Variants in ZNF658 observed in about 807,000 individuals in gnomAD.
The protein encoded by ZNF658 is zinc finger protein 658.
Under a neutral mutation model 78.0 loss-of-function variants are expected in ZNF658, and 46 were observed. That is an observed-to-expected ratio of 0.59 (90% CI 0.47 to 0.75). ZNF658 has a LOEUF of 0.75. Among genes scored for constraint, ZNF658 ranks in the 30% least tolerant of loss-of-function variants. The pLI is 0.00. For missense variants in ZNF658, 785 were observed against 1,189.3 expected, an observed-to-expected ratio of 0.66 and a Z score of 5.00; for synonymous variants, 279 against 408.4, an observed-to-expected ratio of 0.68 and a Z score of 3.82.
intron 2 of ZNF658, among the ~76,000 whole-genome samples, chr9:66,905,182 C>T (rs1229232746): frequency 1.4e-5 from 2 of 138,612 alleles, no homozygotes; most frequent in African/African-American, 2.6e-5. Flanking sequence ...TTCAAGCAAT[C>T]CTTGTGCCTC....
intron 1 of ZNF658, among the ~76,000 whole-genome samples, chr9:66,902,678 A>C (rs199855978): frequency 0.21 from 30,922 of 146,010 alleles, 2,458 homozygotes; most frequent in Non-Finnish European, 0.29. Flanking sequence ...ATTTAGAGTG[A>C]TACTAATGCT....
Position 66,918,152 on chromosome 9 carries a change from A to G in ZNF658, c.586A>G (p.Lys196Glu), listed in dbSNP as rs1275885320. The change falls in exon 5 of 5, where the codon AAA becomes GAA. Residue 196 changes from lysine to glutamate, a missense_variant. Lys to Glu is a moderately conservative substitution (Grantham distance 56, BLOSUM62 1). Coordinates refer to ENST00000621410, the MANE Select transcript of ZNF658 (RefSeq NM_033160.7). ...EKSYEHGENA[K>E]AFSYKKDQHW... ...ATCTTATGAACATGGTGAAAATGCT[A>G]AAGCTTTCAGTTATAAGAAAGATCA... is the stretch of plus-strand genomic sequence containing the variant. The G allele has an allele frequency of 6.3e-7, 1 of 1,599,284 alleles. No individual in the cohort carries two copies. Among genetic ancestry groups the G allele is most frequent in the East Asian group, 2.2e-5 (1 of 44,780 alleles).
intron 4 of ZNF658, among the ~76,000 whole-genome samples, chr9:66,914,448 T>G (rs112541060): frequency 6.6e-6 from 1 of 152,078 alleles, no homozygotes; most frequent in Non-Finnish European, 1.5e-5. Context: ...GTGTTTTTAT[T>G]CTTACCTTTT....
chr9:66,920,941 TAAAAAAA>T lies in ZNF658; in HGVS notation c.*201_*207del. ...AAATATTACATTTACCCTTGGCCCT[TAAAAAAA>T]AAAAAGAAAAACCCTCACAGTCTTC... On this transcript the variant is annotated 3_prime_UTR_variant, in exon 5 of 5. Coordinates refer to ENST00000621410, the MANE Select transcript of ZNF658 (RefSeq NM_033160.7). The T allele has an allele frequency of 1.8e-6, 1 of 566,288 alleles. No homozygotes were observed. The highest frequency in any genetic ancestry group is 3.1e-6 in the Non-Finnish European group (1 of 322,502). The allele number at this position is 566,288 out of a possible 1,614,324, so 35.1% of individuals were successfully genotyped here. A position where few individuals can be genotyped will look rare whatever the true frequency, so the allele number is the denominator to read the frequency against.
Position 66,910,233 on chromosome 9 carries a change from TA to T in ZNF658, c.238+1500del, listed in dbSNP as rs755249244. On this transcript the variant is annotated intron_variant, in intron 4 of 4. Coordinates refer to ENST00000621410, the MANE Select transcript of ZNF658 (RefSeq NM_033160.7). ...TCACCAATGATATCAGGCATCTTTT[TA>T]TATGCCTATTAGGCTTTGTACGAAT... 1.1e-4 allele frequency among the ~76,000 whole-genome samples: 16 copies of T among 152,212 alleles called. No homozygotes were observed. In the East Asian group the frequency reaches 1.7e-3, roughly 16 times the overall value.
downstream of ZNF658, chr9:66,921,477 T>C (rs1204570708): frequency 1.3e-5 from 2 of 150,706 alleles, no homozygotes; most frequent in Non-Finnish European, 3.0e-5. Flanking sequence ...AGTTTTAGAA[T>C]TGGAGATAAA....
chr9:66,905,736 G>A (rs1435376327), intron 2 of ZNF658, among the ~76,000 whole-genome samples: 3 of 145,826 alleles, frequency 2.1e-5, no homozygotes, highest in Non-Finnish European at 3.0e-5. Context: ...CCTTTTTATA[G>A]TTTCTGTTTA....
chr9:66,918,474 G>C lies in ZNF658; in HGVS notation c.908G>C (p.Gly303Ala). ...ACACACTATGAGTGTAATGAAAGGG[G>C]GATTAATTTCAGTAGGAAGTCACCC... The part of the protein sequence containing the change: ...AMTHYECNER[G>A]INFSRKSPLT... Residue 303 changes from glycine (G) to alanine (A), a missense_variant, in exon 5 of 5, where the codon GGG becomes GCG. By Grantham distance (60) the Gly-to-Ala change is moderately conservative. Transcript: ENST00000621410. The C allele has an allele frequency of 6.2e-7, 1 of 1,607,590 alleles. No individual in the cohort carries two copies.
At chr9:66,909,938 T>C (rs1328001898) in intron 4 of ZNF658, among the ~76,000 whole-genome samples, 1 of 152,208 alleles carries the variant, frequency 6.6e-6, no homozygotes, top group Admixed American at 6.5e-5. Context: ...GAAGCGTCTC[T>C]TCCTGGCTTG....
At chr9:66,929,844 C>T (rs1354960359) in intron 6 of ZNF658, among the ~76,000 whole-genome samples, 2 of 126,322 alleles carry the variant, frequency 1.6e-5, no homozygotes, top group African/African-American at 2.9e-5. Context: ...AGTGCAGTGG[C>T]ATGATCTCGG....
intron 4 of ZNF658, among the ~76,000 whole-genome samples, chr9:66,913,253 C>A (rs1822255120): frequency 6.6e-6 from 1 of 151,122 alleles, no homozygotes. Context: ...TGCAAAACCC[C>A]ATCTCTACCA....
chr9:66,921,722 A>G (rs1822530838), downstream of ZNF658, among the ~76,000 whole-genome samples: 1 of 151,494 alleles, frequency 6.6e-6, no homozygotes, highest in African/African-American at 2.4e-5. Context: ...GCTTCGTCTC[A>G]GAGGGGTACT....
At chr9:66,910,474 A>G (rs1056038575) in intron 4 of ZNF658, among the ~76,000 whole-genome samples, 1 of 151,586 alleles carries the variant, frequency 6.6e-6, no homozygotes, top group African/African-American at 2.4e-5. Flanking sequence ...TCTAAAAAGG[A>G]TATCCCTAAA....
downstream of ZNF658, among the ~76,000 whole-genome samples, chr9:66,926,251 T>G (rs1822584907): frequency 8.9e-6 from 1 of 112,568 alleles, no homozygotes. Flanking sequence ...TTATTCAAGA[T>G]CAATACAAAA....
At chr9:66,907,159 G>A (rs1195540802) in intron 2 of ZNF658, among the ~76,000 whole-genome samples, 2 of 151,734 alleles carry the variant, frequency 1.3e-5, no homozygotes, top group African/African-American at 4.8e-5. Context: ...ATCCCTGTGT[G>A]CTCAAGGAGC....
At position 66,918,411 on chromosome 9, in the gene ZNF658, C is replaced by A. The variant is rs1215754885; in HGVS notation, c.845C>A (p.Thr282Asn). The change falls in exon 5 of 5, where the codon ACC (threonine) becomes AAC (asparagine). Residue 282 changes from threonine (T) to asparagine (N), a missense_variant. Physicochemically the swap from Thr to Asn is moderately conservative, Grantham distance 65. This residue lies in a region of ZNF658 where 393 missense variants were observed against 400.2 expected (regional missense o/e 0.98). Transcript: ENST00000621410. ...GAATATGGGACATCCTGTGACAAAA[C>A]CACCGCTGTTGAATACAATAAAGTT... ...LNEYGTSCDK[T>N]TAVEYNKVHM... The A allele has an allele frequency of 6.2e-7, 1 of 1,613,326 alleles. No homozygotes were observed. Among genetic ancestry groups the A allele is most frequent in the African/African-American group, 1.3e-5 (1 of 74,814 alleles).
chr9:66,900,726 T>G lies in ZNF658; in HGVS notation c.-155T>G, dbSNP rs1429442885. On this transcript the variant is annotated 5_prime_UTR_variant, in exon 1 of 5. Transcript: ENST00000621410. ...GGGAATGGGGTTTCGGGGCTCGCTC[T>G]GCGCATGTGTAAACCCAGCCCCACC... is the stretch of plus-strand genomic sequence containing the variant. 3 of 152,386 alleles carry G rather than the reference T, an allele frequency of 2.0e-5. No individual in the cohort carries two copies. The highest frequency in any genetic ancestry group is 4.4e-5 in the Non-Finnish European group (3 of 68,144). 9.4% of individuals were successfully genotyped at this position (152,386 alleles called of 1,614,324 possible). A position where few individuals can be genotyped will look rare whatever the true frequency, so the allele number is the denominator to read the frequency against.
rs1225812121 is a variant in ZNF658 at position 66,908,692 on chromosome 9, C to T, written c.196C>T (p.Pro66Ser). ...VISKLEKGEE[P>S]WSLEDEFLNQ... is the part of the protein sequence containing the mutation. ...CTCCAAGTTGGAGAAAGGAGAAGAG[C>T]CATGGTCTTTAGAAGATGAATTCCT... The change falls in exon 4 of 5, where the codon CCA becomes TCA. Residue 66 changes from proline (P) to serine (S), a missense_variant. Around this residue, in one of 12 missense-constraint regions of ZNF658, gnomAD observed 79 missense variants for 96.5 expected, o/e 0.82. Coordinates refer to ENST00000621410, the MANE Select transcript of ZNF658 (RefSeq NM_033160.7). 6.2e-7 allele frequency: 1 copy of T among 1,601,668 alleles called. No homozygotes were observed. Among genetic ancestry groups the T allele is most frequent in the African/African-American group, 1.4e-5 (1 of 73,886 alleles).
intron 2 of ZNF658, among the ~76,000 whole-genome samples, chr9:66,905,398 CTACT>C (rs1290237879): frequency 1.9e-4 from 28 of 149,912 alleles, no homozygotes; most frequent in African/African-American, 6.7e-4. Context: ...CAAGTTTATC[CTACT>C]TAAAGTTTGT....
Sources: allele counts gnomAD v4.1 joint callset (sites outside exome capture counted in the v4.1 genomes callset), GRCh38; gene constraint gnomAD v4.1.1; regional missense constraint gnomAD v4.1.1; transcripts MANE v1.5; gene names NCBI Gene and HGNC (gene_info 2026-07-23, HGNC 2026-07-21).